MAD2L1: variants seen among roughly 807,000 people sequenced by gnomAD.
MAD2L1 encodes mitotic spindle assembly checkpoint protein MAD2A.
In MAD2L1, 10 loss-of-function variants were observed where a neutral mutation model predicts 25.9. The ratio of observed to expected loss-of-function variants is 0.39; its 90% CI spans 0.24 to 0.66. The LOEUF is 0.66. Ranked by LOEUF, MAD2L1 falls within the 30% of genes least tolerant of loss-of-function variation. The pLI, the probability that MAD2L1 is intolerant of heterozygous loss-of-function variation, is 0.49. For missense variants in MAD2L1, 180 were observed against 246.4 expected (o/e 0.73, Z 1.80); for synonymous variants, 81 against 91.8 (o/e 0.88, Z 0.67).
intron 2 of MAD2L1, among the ~76,000 whole-genome samples, chr4:120,063,201 G>A (rs997573788): frequency 6.6e-6 from 1 of 152,146 alleles, no homozygotes; most frequent in African/African-American, 2.4e-5. Flanking sequence ...TGGGATAGAT[G>A]TAAGTTTGTG....
rs912501653 is a variant in MAD2L1, at chr4:120,056,721, G to A, written c.*3397C>T. 2 of 152,134 alleles carry A rather than the reference G, an allele frequency of 1.3e-5. No individual in the cohort carries two copies. Among genetic ancestry groups the A allele is most frequent in the African/African-American group, 4.8e-5 (2 of 41,406 alleles). 9.4% of individuals were successfully genotyped at this position (152,134 alleles called of 1,614,324 possible). On this transcript the variant is annotated 3_prime_UTR_variant, in exon 5 of 5. Transcript: ENST00000296509. The stretch of plus-strand genomic sequence containing the variant: ...AGGCATGGGCTCTTTATCCTATTGT[G>A]AGTCTCATAAAAAGGGTCTCTTTTT...
In MAD2L1 at chr4:120,059,962, A is replaced by C. The variant is rs957197818; in HGVS notation, c.*156T>G. 1.4e-5 allele frequency: 8 copies of C among 555,000 alleles called. No homozygotes were observed. In the African/African-American group the frequency reaches 1.5e-4, roughly 10 times the overall value. 34.4% of individuals were successfully genotyped at this position (555,000 alleles called of 1,614,324 possible). ...GGTAAGTCAAATAGGTACCAAAAAA[A>C]TAAAAGGAACAATTACACACAGTTC... On this transcript the variant is annotated 3_prime_UTR_variant, in exon 5 of 5. Coordinates refer to ENST00000296509, the MANE Select transcript of MAD2L1 (RefSeq NM_002358.4).
chr4:120,064,362 A>G (rs1468041237), intron 2 of MAD2L1, among the ~76,000 whole-genome samples: 1 of 152,198 alleles, frequency 6.6e-6, no homozygotes, highest in African/African-American at 2.4e-5. Context: ...ACACCAAAAG[A>G]GGTCTCATCT....
In MAD2L1 at chr4:120,057,282, C is replaced by T. The variant is rs1332803419; in HGVS notation, c.*2836G>A. 2 of 152,126 alleles carry T rather than the reference C, an allele frequency of 1.3e-5. No homozygotes were observed. Among genetic ancestry groups the T allele is most frequent in the Non-Finnish European group, 2.9e-5 (2 of 68,046 alleles). The allele number at this position is 152,126 out of a possible 1,614,324, so 9.4% of individuals were successfully genotyped here. On this transcript the variant is annotated 3_prime_UTR_variant, in exon 5 of 5. Coordinates refer to ENST00000296509, the MANE Select transcript of MAD2L1 (RefSeq NM_002358.4). Reference sequence around the variant, plus strand: ...GTCATCAAACTTCTCGGTGCCATTCCCACCACCTCCATGGGAGGAGTATAC... The same window carrying T: ...GTCATCAAACTTCTCGGTGCCATTCTCACCACCTCCATGGGAGGAGTATAC...
At position 120,066,759 on chromosome 4, in the gene MAD2L1, G is replaced by C. The variant is rs1726330648; in HGVS notation, c.-25C>G. On this transcript the variant is annotated 5_prime_UTR_variant, in exon 1 of 5. Coordinates refer to ENST00000296509, the MANE Select transcript of MAD2L1 (RefSeq NM_002358.4). ...TGGCCAGGGACACAAACAAAAGCAC[G>C]CGCTTCCACTCCGCGGACAGCAACC... 6.4e-7 allele frequency: 1 copy of C among 1,567,690 alleles called. No individual in the cohort carries two copies. The highest frequency in any genetic ancestry group is 8.7e-7 in the Non-Finnish European group (1 of 1,143,192).
At chr4:120,060,518 T>A (rs1726195074) in intron 4 of MAD2L1, among the ~76,000 whole-genome samples, 1 of 152,198 alleles carries the variant, frequency 6.6e-6, no homozygotes, top group South Asian at 2.1e-4. Flanking sequence ...TTATCTTATT[T>A]AATAATGGTC....
At chr4:120,061,672 T>C (rs143742940) in intron 3 of MAD2L1, among the ~76,000 whole-genome samples, 6 of 152,282 alleles carry the variant, frequency 3.9e-5, no homozygotes, top group Middle Eastern at 3.4e-3. Context: ...AGAACAATTA[T>C]TAAATGGTTC....
chr4:120,064,764 T>TAA (rs1187548319), intron 2 of MAD2L1, among the ~76,000 whole-genome samples: 2 of 152,008 alleles, frequency 1.3e-5, no homozygotes, highest in East Asian at 3.9e-4. Context: ...GTTACCAAGC[T>TAA]AAAAAAGTTC....
Position 120,066,755 on chromosome 4 carries a change from G to C in MAD2L1, c.-21C>G, listed in dbSNP as rs768206152. ...GCCATGGCCAGGGACACAAACAAAA[G>C]CACGCGCTTCCACTCCGCGGACAGC... On this transcript the variant is annotated 5_prime_UTR_variant, in exon 1 of 5. Coordinates refer to ENST00000296509, the MANE Select transcript of MAD2L1 (RefSeq NM_002358.4). 1.6e-5 allele frequency: 25 copies of C among 1,578,678 alleles called. No homozygotes were observed. The highest frequency in any genetic ancestry group is 4.6e-5 in the East Asian group (2 of 43,884).
intron 2 of MAD2L1, among the ~76,000 whole-genome samples, chr4:120,064,468 C>A (rs1015727848): frequency 6.6e-6 from 1 of 152,172 alleles, no homozygotes; most frequent in Non-Finnish European, 1.5e-5. Context: ...TACATGGAGG[C>A]ATTTCTGGTT....
chr4:120,060,854 AG>A lies in MAD2L1; in HGVS notation c.445+19del, dbSNP rs1560770139. Reference sequence around the variant, plus strand: ...TTTTGCCAATCAATTTAATTCAACAAGAAGTTGTATAATACTTACAAGAAAC... The same window carrying A: ...TTTTGCCAATCAATTTAATTCAACAAAAGTTGTATAATACTTACAAGAAAC... On this transcript the variant is annotated intron_variant, in intron 4 of 4. Coordinates refer to ENST00000296509, the MANE Select transcript of MAD2L1 (RefSeq NM_002358.4). The A allele has an allele frequency of 6.7e-6, 10 of 1,486,926 alleles. No homozygotes were observed. Among genetic ancestry groups the A allele is most frequent in the Admixed American group, 1.8e-5 (1 of 56,838 alleles). The allele number at this position is 1,486,926 out of a possible 1,614,324, so 92.1% of individuals were successfully genotyped here.
chr4:120,061,864 C>A, intron 3 of MAD2L1, 111 bp downstream of exon 3: 3 of 832,114 alleles, frequency 3.6e-6, no homozygotes, highest in Admixed American at 3.5e-5. Flanking sequence ...AAATTAGAAA[C>A]AAACTATATT....
Position 120,059,019 on chromosome 4 carries a change from T to G in MAD2L1, c.*1099A>C, listed in dbSNP as rs1395656858. ...TTACAAATCTGCCTTAAACTGACCT[T>G]GGAAAAACAGGTGAGAACTGGATAG... On this transcript the variant is annotated 3_prime_UTR_variant, in exon 5 of 5. Transcript: ENST00000296509. The G allele has an allele frequency of 6.6e-6, 1 of 152,148 alleles. No individual in the cohort carries two copies. Among genetic ancestry groups the G allele is most frequent in the East Asian group, 1.9e-4 (1 of 5,196 alleles). The allele number at this position is 152,148 out of a possible 1,614,324, so 9.4% of individuals were successfully genotyped here. A position where few individuals can be genotyped will look rare whatever the true frequency, so the allele number is the denominator to read the frequency against.
intron 1 of MAD2L1, 93 bp from the exon 2 acceptor site, chr4:120,065,911 C>T: frequency 7.9e-7 from 1 of 1,261,258 alleles, no homozygotes; most frequent in East Asian, 2.4e-5. Context: ...TTTCATTAGG[C>T]TATACAGCTA....
chr4:120,060,362 A>G, intron 4 of MAD2L1, 72 bp from the exon 5 acceptor site: 1 of 1,252,280 alleles, frequency 8.0e-7, no homozygotes. Flanking sequence ...CCTCTCTTCT[A>G]TTTTGAACCA....
Position 120,059,963 on chromosome 4 carries a change from TA to T in MAD2L1, c.*154del, listed in dbSNP as rs1726182150. 2 of 553,840 alleles carry T rather than the reference TA, an allele frequency of 3.6e-6. No homozygotes were observed. Among genetic ancestry groups the T allele is most frequent in the South Asian group, 8.0e-5 (2 of 25,064 alleles). 34.3% of individuals were successfully genotyped at this position (553,840 alleles called of 1,614,324 possible). ...GTAAGTCAAATAGGTACCAAAAAAA[TA>T]AAAGGAACAATTACACACAGTTCAG... On this transcript the variant is annotated 3_prime_UTR_variant, in exon 5 of 5. Coordinates refer to ENST00000296509, the MANE Select transcript of MAD2L1 (RefSeq NM_002358.4).
chr4:120,066,718 G>A lies in MAD2L1; in HGVS notation c.17C>T (p.Ser6Phe), dbSNP rs755503995. ...GCGCAGGGTGATTCCCTGCTCCCGG[G>A]AGAGCTGCAGCGCCATGGCCAGGGA... MALQLSREQGITLRGS... is the reference protein window; with the variant it reads MALQLFREQGITLRGS... Residue 6 changes from serine (S) to phenylalanine (F), a missense_variant, in exon 1 of 5, where the codon TCC becomes TTC. By Grantham distance (155) the Ser-to-Phe change is radical. Coordinates refer to ENST00000296509, the MANE Select transcript of MAD2L1 (RefSeq NM_002358.4). The A allele has an allele frequency of 2.5e-6, 4 of 1,601,878 alleles. No homozygotes were observed. The African/African-American group carries it at 4.0e-5, about 16-fold the overall frequency.
chr4:120,061,539 A>G (rs1726217650), intron 3 of MAD2L1, among the ~76,000 whole-genome samples: 1 of 152,148 alleles, frequency 6.6e-6, no homozygotes, highest in Admixed American at 6.5e-5. Flanking sequence ...TCTTCCAGGG[A>G]GTCTGGAACC....
At chr4:120,066,211 C>T (rs540985572) in intron 1 of MAD2L1, among the ~76,000 whole-genome samples, 5 of 152,232 alleles carry the variant, frequency 3.3e-5, no homozygotes, top group African/African-American at 9.6e-5. Flanking sequence ...CCTTTCCCTC[C>T]CAAATCCTGC....
Sources: allele counts gnomAD v4.1 joint callset (sites outside exome capture counted in the v4.1 genomes callset), GRCh38; gene constraint gnomAD v4.1.1; transcripts MANE v1.5; gene names NCBI Gene and HGNC (gene_info 2026-07-23, HGNC 2026-07-21).